ST18: variants seen among roughly 807,000 people sequenced by gnomAD.
The protein encoded by ST18 is suppression of tumorigenicity 18 protein.
Under a neutral mutation model 110.0 loss-of-function variants are expected in ST18, and 50 were observed. The observed-to-expected ratio is 0.45, with a 90% CI of 0.36 to 0.58. The LOEUF is 0.58. Among genes scored for constraint, ST18 ranks in the 20% least tolerant of loss-of-function variants. The pLI, the probability that ST18 is intolerant of heterozygous loss-of-function variation, is 0.00. For missense variants in ST18, 1,306 were observed against 1,280.1 expected (o/e 1.02, Z -0.31); for synonymous variants, 461 against 452.4 (o/e 1.02, Z -0.24).
intron 2 of ST18, among the ~76,000 whole-genome samples, chr8:52,344,699 C>A (rs1188961309): frequency 5.3e-5 from 8 of 152,112 alleles, no homozygotes; most frequent in African/African-American, 1.9e-4. Flanking sequence ...CCGTGCCCAG[C>A]CAATAACTGC....
intron 2 of ST18, among the ~76,000 whole-genome samples, chr8:52,352,254 A>G (rs948207382): frequency 2.1e-4 from 32 of 152,162 alleles, no homozygotes; most frequent in African/African-American, 7.0e-4. Context: ...GTCAGCCTAG[A>G]TTGCACTTGG....
chr8:52,319,763 C>G (rs1803069853), intron 2 of ST18, among the ~76,000 whole-genome samples: 1 of 152,160 alleles, frequency 6.6e-6, no homozygotes. Flanking sequence ...GGGGCAACCT[C>G]ATCTGAAGGT....
chr8:52,283,435 G>C (rs138598756), intron 2 of ST18, among the ~76,000 whole-genome samples: 1,678 of 152,278 alleles, frequency 0.011, 31 homozygotes, highest in African/African-American at 0.038. Flanking sequence ...TCTGGGAACT[G>C]ACAAAGAATG....
At chr8:52,206,516 C>T (rs62501019) in intron 8 of ST18, 15,858 of 152,282 alleles carry the variant, frequency 0.1, 1,126 homozygotes, top group Middle Eastern at 0.22. Context: ...GGCCTCCAGC[C>T]TCATGTTCCA....
intron 8 of ST18, among the ~76,000 whole-genome samples, chr8:52,207,062 C>T (rs1471307020): frequency 6.6e-6 from 1 of 151,910 alleles, no homozygotes; most frequent in Non-Finnish European, 1.5e-5. Context: ...TAAAAAAATT[C>T]CAAAATATTA....
intron 23 of ST18, among the ~76,000 whole-genome samples, chr8:52,124,861 A>AGCTTGAGT (rs2046394822): frequency 2.0e-5 from 3 of 151,414 alleles, no homozygotes; most frequent in African/African-American, 7.3e-5. Context: ...AACAGTAGGA[A>AGCTTGAGT]GCTTTCCCTC....
At position 52,110,864 on chromosome 8, in the gene ST18, T is replaced by A. The variant is rs1585974623; in HGVS notation, c.*2334A>T. The A allele has an allele frequency of 2.6e-6, 1 of 385,426 alleles. No individual in the cohort carries two copies. 23.9% of individuals were successfully genotyped at this position (385,426 alleles called of 1,614,324 possible). The stretch of plus-strand genomic sequence containing the variant: ...CGTTATCAATTTTTATTTCCTACCA[T>A]ACACCAAATGTACAGCACTGAACAC... On this transcript the variant is annotated 3_prime_UTR_variant, in exon 26 of 26. Transcript: ENST00000689386.
intron 9 of ST18, among the ~76,000 whole-genome samples, chr8:52,175,190 G>A (rs7833206): frequency 0.17 from 26,446 of 152,108 alleles, 5,535 homozygotes; most frequent in African/African-American, 0.5. Context: ...GAGGCCACAC[G>A]GGAATACCCA....
rs531726929 is a variant in ST18 at position 52,232,483 on chromosome 8, A to G, written c.-464-2406T>C. ...ATAAATATGCAAATTTCCTTGAGAC[A>G]TTCAATATTTTTATCAGCCCTAGTA... On this transcript the variant is annotated intron_variant, in intron 2 of 25. Transcript: ENST00000689386. 1.1e-4 allele frequency among the ~76,000 whole-genome samples: 16 copies of G among 152,334 alleles called. No individual in the cohort carries two copies. In the South Asian group the frequency reaches 2.3e-3, roughly 22 times the overall value.
At chr8:52,231,908 T>G (rs989949667) in intron 2 of ST18, among the ~76,000 whole-genome samples, 6 of 152,182 alleles carry the variant, frequency 3.9e-5, no homozygotes, top group African/African-American at 1.4e-4. Flanking sequence ...ATCAGTGACA[T>G]CAGAATCTCC....
intron 14 of ST18, among the ~76,000 whole-genome samples, 173 bp downstream of exon 14, chr8:52,161,202 T>C (rs541519907): frequency 6.6e-6 from 1 of 152,352 alleles, no homozygotes; most frequent in African/African-American, 2.4e-5. Flanking sequence ...ATCAATAACA[T>C]TGATCAACTT....
At chr8:52,377,133 T>C (rs866662451) in intron 2 of ST18, among the ~76,000 whole-genome samples, 1 of 152,144 alleles carries the variant, frequency 6.6e-6, no homozygotes, top group Non-Finnish European at 1.5e-5. Context: ...ATGGAAAAAA[T>C]TGGTGATGTA....
At chr8:52,386,702 C>A (rs951281471) in intron 2 of ST18, among the ~76,000 whole-genome samples, 8 of 152,090 alleles carry the variant, frequency 5.3e-5, no homozygotes, top group African/African-American at 1.9e-4. Context: ...CCTTATAAGC[C>A]TGCTAACTCT....
chr8:52,389,480 A>G (rs946051667), intron 2 of ST18, among the ~76,000 whole-genome samples: 2 of 152,192 alleles, frequency 1.3e-5, no homozygotes, highest in African/African-American at 2.4e-5. Context: ...GTCAAGGCAC[A>G]TTCTTCTGAG....
At chr8:52,376,689 T>A (rs1409619613) in intron 2 of ST18, among the ~76,000 whole-genome samples, 4 of 152,098 alleles carry the variant, frequency 2.6e-5, no homozygotes, top group Non-Finnish European at 5.9e-5. Flanking sequence ...TTGTGCATCC[T>A]AAGCACCTAG....
At chr8:52,187,476 C>T (rs938699550) in intron 8 of ST18, among the ~76,000 whole-genome samples, 4 of 152,188 alleles carry the variant, frequency 2.6e-5, no homozygotes, top group Admixed American at 1.3e-4. Flanking sequence ...AGCAGACTTG[C>T]TCCAGTGAGT....
At chr8:52,225,863 C>G (rs554041417) in intron 3 of ST18, among the ~76,000 whole-genome samples, 26 of 152,222 alleles carry the variant, frequency 1.7e-4, no homozygotes, top group Non-Finnish European at 3.5e-4. Context: ...GTATTGTTAC[C>G]TTTAAAACAA....
At chr8:52,156,484 A>T (rs995279823) in intron 15 of ST18, among the ~76,000 whole-genome samples, 17 of 152,230 alleles carry the variant, frequency 1.1e-4, no homozygotes, top group Non-Finnish European at 2.2e-4. Flanking sequence ...CTAGCATTCA[A>T]TGTGGAGGTG....
chr8:52,199,417 A>T (rs2077220321), intron 8 of ST18: 1 of 152,206 alleles, frequency 6.6e-6, no homozygotes, highest in African/African-American at 2.4e-5. Flanking sequence ...AATGTAAATC[A>T]TTACTTATAG....
Sources: gnomAD v4.1 joint callset for allele counts (sites outside exome capture counted in the v4.1 genomes callset) on GRCh38, gnomAD v4.1.1 for gene constraint, MANE v1.5 for transcripts, NCBI Gene and HGNC (gene_info 2026-07-23, HGNC 2026-07-21) for gene names.